RDH12: variants seen among roughly 807,000 people sequenced by gnomAD.
The protein encoded by RDH12 is all-trans and 9-cis retinol dehydrogenase.
A neutral mutation model predicts 34.0 loss-of-function variants in RDH12; 21 were observed. The observed-to-expected ratio is 0.62, with a 90% CI of 0.44 to 0.89. The LOEUF (loss-of-function observed/expected upper bound fraction) is 0.89, where lower values mean the gene tolerates loss of function less well. RDH12 is among the 40% of genes least tolerant of loss of function. RDH12 has a pLI of 0.00. For synonymous variants in RDH12, 198 were observed against 169.9 expected (o/e 1.17, Z -1.29); for missense variants, 394 against 398.6 (o/e 0.99, Z 0.10).
At chr14:67,721,773 C>G (rs1002943247) in intron 2 of RDH12, among the ~76,000 whole-genome samples, 46 of 149,138 alleles carry the variant, frequency 3.1e-4, no homozygotes, top group African/African-American at 1.0e-3. Flanking sequence ...ATGTATAACA[C>G]ATATATATAT....
intron 1 of RDH12, among the ~76,000 whole-genome samples, chr14:67,709,689 A>G (rs1212336797): frequency 6.6e-6 from 1 of 152,146 alleles, no homozygotes; most frequent in Non-Finnish European, 1.5e-5. Flanking sequence ...GTTTATTTTG[A>G]TTGGCATCTT....
chr14:67,725,412 G>C (rs1380070987), intron 5 of RDH12, among the ~76,000 whole-genome samples, 158 bp downstream of exon 5: 2 of 152,186 alleles, frequency 1.3e-5, no homozygotes, highest in Non-Finnish European at 2.9e-5. Flanking sequence ...GCAAGAGGAT[G>C]GTGGGTAGAT....
chr14:67,720,499 C>T (rs926029592), intron 1 of RDH12, among the ~76,000 whole-genome samples: 5 of 152,124 alleles, frequency 3.3e-5, no homozygotes, highest in Admixed American at 2.0e-4. Flanking sequence ...TTGAGGTATT[C>T]GAATTTTGGA....
intron 3 of RDH12, among the ~76,000 whole-genome samples, chr14:67,723,493 C>A (rs2038148943): frequency 6.6e-6 from 1 of 152,156 alleles, no homozygotes; most frequent in East Asian, 1.9e-4. Flanking sequence ...CGTTGGCCTC[C>A]CAAGATGTTG....
intron 1 of RDH12, 72 bp downstream of exon 1, chr14:67,702,007 G>A (rs534688433): frequency 2.0e-4 from 31 of 152,250 alleles, no homozygotes; most frequent in African/African-American, 7.2e-4. Flanking sequence ...TGTAGAGACA[G>A]TGTCTCACTA....
At chr14:67,720,950 A>T (rs778039637) in intron 2 of RDH12, 48 bp downstream of exon 2, 1 of 152,152 alleles carries the variant, frequency 6.6e-6, no homozygotes, top group Non-Finnish European at 1.5e-5. Context: ...TGAGTCAAGA[A>T]GTGTCTGCTG....
rs1384904034 is a variant in RDH12, at chr14:67,730,769, A to G, written c.848+1389A>G. ...CAGGTGCCCGCCACCACACCTGACT[A>G]GTTTTTGTATTTTTAGTCGAGATGG... On this transcript the variant is annotated intron_variant, in intron 8 of 8. Coordinates refer to ENST00000551171, the MANE Select transcript of RDH12 (RefSeq NM_152443.3). Among the ~76,000 whole-genome samples the G allele has an allele frequency of 2.6e-5, 4 of 152,056 alleles. No homozygotes were observed. In the East Asian group the frequency reaches 7.7e-4, roughly 29 times the overall value.
Position 67,717,558 on chromosome 14 carries a change from G to T in RDH12, c.-274-3290G>T, listed in dbSNP as rs140573438. Reference sequence around the variant, plus strand: ...CCTTTTCAATACTACATACACCAGGGTTATCCTTTAGGCCTACATTCTGGA... The same window carrying T: ...CCTTTTCAATACTACATACACCAGGTTTATCCTTTAGGCCTACATTCTGGA... On this transcript the variant is annotated intron_variant, in intron 1 of 8. Coordinates refer to ENST00000551171, the MANE Select transcript of RDH12 (RefSeq NM_152443.3). Among the ~76,000 whole-genome samples, 3 of 152,300 alleles carry T rather than the reference G, an allele frequency of 2.0e-5. No homozygotes were observed. In the East Asian group the frequency reaches 5.8e-4, roughly 29 times the overall value.
chr14:67,722,528 A>G lies in RDH12; in HGVS notation c.-115A>G. ...CTGCTCAGCACCCAGGACGGAGAGG[A>G]GCAGAGAAGCAGCAGAAGCAGCCAA... On this transcript the variant is annotated 5_prime_UTR_variant, in exon 3 of 9. Transcript: ENST00000551171. 1.2e-6 allele frequency: 1 copy of G among 848,952 alleles called. No homozygotes were observed. The highest frequency in any genetic ancestry group is 2.1e-6 in the Non-Finnish European group (1 of 482,516). The allele number at this position is 848,952 out of a possible 1,614,324, so 52.6% of individuals were successfully genotyped here. A position where few individuals can be genotyped will look rare whatever the true frequency, so the allele number is the denominator to read the frequency against.
intron 8 of RDH12, chr14:67,729,859 TATC>T (rs768323102): frequency 1.8e-5 from 8 of 455,162 alleles, no homozygotes; most frequent in Non-Finnish European, 3.1e-5. Flanking sequence ...TGCTGAATCT[TATC>T]ATGAACTCAA....
At chr14:67,727,372 T>G in intron 7 of RDH12, 182 bp downstream of exon 7, 1 of 626,992 alleles carries the variant, frequency 1.6e-6, no homozygotes. Flanking sequence ...TAAAATCAAA[T>G]AGGGGTTAAG....
chr14:67,709,779 C>A (rs1166924908), intron 1 of RDH12, among the ~76,000 whole-genome samples: 1 of 152,082 alleles, frequency 6.6e-6, no homozygotes, highest in Non-Finnish European at 1.5e-5. Flanking sequence ...CTTTTTAGAC[C>A]AAGGCATCAA....
chr14:67,714,596 CT>C, intron 1 of RDH12: 1 of 168,742 alleles, frequency 5.9e-6, no homozygotes, highest in Non-Finnish European at 1.3e-5. Context: ...TTCTCTAGGC[CT>C]TTTAGAAAAC....
intron 3 of RDH12, among the ~76,000 whole-genome samples, chr14:67,723,769 G>A (rs1478605458): frequency 6.6e-6 from 1 of 152,264 alleles, no homozygotes; most frequent in East Asian, 1.9e-4. Context: ...GTCAGATGAT[G>A]TGCAGGAAAT....
intron 1 of RDH12, among the ~76,000 whole-genome samples, chr14:67,716,686 C>T (rs1158433344): frequency 6.6e-6 from 1 of 152,102 alleles, no homozygotes; most frequent in Non-Finnish European, 1.5e-5. Context: ...GAATTCGAGA[C>T]CAGCCTGGTT....
intron 1 of RDH12, among the ~76,000 whole-genome samples, chr14:67,710,949 C>G (rs1314836579): frequency 6.6e-6 from 1 of 151,908 alleles, no homozygotes; most frequent in East Asian, 1.9e-4. Flanking sequence ...ATTATGGAAC[C>G]ACCATTGCAA....
At chr14:67,730,349 G>A (rs899915316) in intron 8 of RDH12, among the ~76,000 whole-genome samples, 1 of 152,172 alleles carries the variant, frequency 6.6e-6, no homozygotes, top group East Asian at 1.9e-4. Flanking sequence ...GGCTAGTCCA[G>A]ATTGAGATGC....
chr14:67,721,322 C>T (rs528907535), intron 2 of RDH12, among the ~76,000 whole-genome samples: 2 of 152,190 alleles, frequency 1.3e-5, no homozygotes, highest in African/African-American at 4.8e-5. Context: ...AGGCACGATC[C>T]TAGCTCACTT....
chr14:67,722,678 C>G lies in RDH12; in HGVS notation c.36C>G (p.Phe12Leu), dbSNP rs1425471381. The G allele has an allele frequency of 1.9e-6, 3 of 1,613,858 alleles. No homozygotes were observed. The African/African-American group carries it at 4.0e-5, about 22-fold the overall frequency. Reference sequence around the variant, plus strand: ...CCTTGGGACTGCTCACCTCCTTCTTCTCGTTCCTGTATATGGTAGCTCCAT... The same window carrying G: ...CCTTGGGACTGCTCACCTCCTTCTTGTCGTTCCTGTATATGGTAGCTCCAT... ...LVTLGLLTSF[F>L]SFLYMVAPSI... The change falls in exon 3 of 9, where the codon TTC (phenylalanine) becomes TTG (leucine). Residue 12 changes from phenylalanine to leucine, a missense_variant. Transcript: ENST00000551171.
Sources: allele counts gnomAD v4.1 joint callset (sites outside exome capture counted in the v4.1 genomes callset), GRCh38; gene constraint gnomAD v4.1.1; transcripts MANE v1.5; gene names NCBI Gene and HGNC (gene_info 2026-07-23, HGNC 2026-07-21).